The following RBFOX1 variants were observed in gnomAD, a reference collection of about 807,000 sequenced individuals.
RBFOX1 encodes RNA binding fox-1 homolog 1.
A neutral mutation model predicts 57.7 loss-of-function variants in RBFOX1; 8 were observed. That is an observed-to-expected ratio of 0.14 (90% CI 0.08 to 0.25). The LOEUF is 0.25. Ranked by LOEUF, RBFOX1 falls within the 10% of genes least tolerant of loss-of-function variation. The probability of loss-of-function intolerance (pLI) is 1.00; values close to 1 mark genes in which losing one functional copy is unlikely to be tolerated. For synonymous variants in RBFOX1, 326 were observed against 222.4 expected (o/e 1.47, Z -4.15); for missense variants, 611 against 548.5 (o/e 1.11, Z -1.14).
chr16:5,962,401 C>G (rs751470931), intron 4 of RBFOX1, among the ~76,000 whole-genome samples: 10 of 152,206 alleles, frequency 6.6e-5, no homozygotes, highest in Non-Finnish European at 1.3e-4. Context: ...AGGGGACCTT[C>G]TTTATCTCTA....
chr16:5,845,373 T>G (rs1272406809), intron 3 of RBFOX1, among the ~76,000 whole-genome samples: 1 of 152,202 alleles, frequency 6.6e-6, no homozygotes, highest in African/African-American at 2.4e-5. Context: ...GATCTCAGCT[T>G]GCTTCTCCAA....
chr16:6,810,175 G>C (rs909583194), intron 3 of RBFOX1, among the ~76,000 whole-genome samples: 1 of 152,078 alleles, frequency 6.6e-6, no homozygotes, highest in African/African-American at 2.4e-5. Flanking sequence ...CACTCTCATT[G>C]TCTTATGTGT....
intron 5 of RBFOX1, among the ~76,000 whole-genome samples, chr16:7,570,861 A>G (rs11644219): frequency 0.13 from 20,415 of 152,260 alleles, 1,658 homozygotes; most frequent in South Asian, 0.22. Context: ...GATAGATTAA[A>G]GAAAATGTGG....
At chr16:7,696,080 C>G (rs545651447) in intron 14 of RBFOX1, among the ~76,000 whole-genome samples, 5 of 152,172 alleles carry the variant, frequency 3.3e-5, no homozygotes, top group African/African-American at 1.2e-4. Flanking sequence ...GTCGAGAGTG[C>G]CAACACATCT....
chr16:6,696,547 A>T (rs2061078526), intron 3 of RBFOX1, among the ~76,000 whole-genome samples: 2 of 152,212 alleles, frequency 1.3e-5, no homozygotes, highest in Non-Finnish European at 2.9e-5. Context: ...TATTTATTTG[A>T]GGTTTAATTC....
intron 3 of RBFOX1, among the ~76,000 whole-genome samples, chr16:6,972,667 A>T (rs2085849001): frequency 6.6e-6 from 1 of 152,154 alleles, no homozygotes; most frequent in Admixed American, 6.5e-5. Context: ...TTGGGGACAG[A>T]CAACCTGAGT....
chr16:7,654,049 GC>G, intron 12 of RBFOX1, 102 bp downstream of exon 12: 1 of 1,259,806 alleles, frequency 7.9e-7, no homozygotes, highest in Non-Finnish European at 1.1e-6. Context: ...CTCCCCCTCC[GC>G]CACCCCCAGA....
chr16:7,445,339 A>C (rs910598885), intron 4 of RBFOX1, among the ~76,000 whole-genome samples: 5 of 151,862 alleles, frequency 3.3e-5, no homozygotes, highest in Admixed American at 2.6e-4. Flanking sequence ...ACTCCCCGCT[A>C]CTCCTCTCTT....
At chr16:6,324,801 A>G (rs1257910330) in intron 2 of RBFOX1, among the ~76,000 whole-genome samples, 17 of 152,188 alleles carry the variant, frequency 1.1e-4, no homozygotes, top group Admixed American at 1.1e-3. Context: ...TATAGAAACT[A>G]GGCCACAGAA....
chr16:6,287,607 T>C (rs1209194355), intron 1 of RBFOX1, among the ~76,000 whole-genome samples: 1 of 152,154 alleles, frequency 6.6e-6, no homozygotes, highest in African/African-American at 2.4e-5. Flanking sequence ...ATTTGATGAA[T>C]GACTAAATGT....
At chr16:5,288,091 C>T (rs1036262347) in intron 1 of RBFOX1, among the ~76,000 whole-genome samples, 4 of 152,192 alleles carry the variant, frequency 2.6e-5, no homozygotes, top group Admixed American at 1.3e-4. Context: ...CCACATTGGT[C>T]ATGGCTGACT....
intron 1 of RBFOX1, among the ~76,000 whole-genome samples, chr16:6,104,408 T>G (rs1055200886): frequency 1.3e-5 from 2 of 152,210 alleles, no homozygotes; most frequent in Non-Finnish European, 2.9e-5. Context: ...ATATTCAAAG[T>G]AGGTTTTTAA....
chr16:7,218,727 A>G (rs1259926393), intron 4 of RBFOX1, among the ~76,000 whole-genome samples: 1 of 119,832 alleles, frequency 8.3e-6, no homozygotes, highest in Admixed American at 9.1e-5. Flanking sequence ...GTCATCTTAA[A>G]GTGTTTTTTT....
At chr16:5,331,464 G>C (rs1175610536) in intron 1 of RBFOX1, among the ~76,000 whole-genome samples, 1 of 152,222 alleles carries the variant, frequency 6.6e-6, no homozygotes, top group African/African-American at 2.4e-5. Context: ...GGGCTTGGCT[G>C]GGTGGTTTGT....
chr16:6,888,342 G>C (rs1354317276), intron 3 of RBFOX1, among the ~76,000 whole-genome samples: 1 of 152,156 alleles, frequency 6.6e-6, no homozygotes, highest in Non-Finnish European at 1.5e-5. Context: ...ATGAATCACT[G>C]AAGCTGTTTG....
chr16:7,003,467 A>AG (rs1389655750), intron 3 of RBFOX1, among the ~76,000 whole-genome samples: 1 of 151,788 alleles, frequency 6.6e-6, no homozygotes, highest in Non-Finnish European at 1.5e-5. Context: ...TTAAAAAAAA[A>AG]AAAAGAAAAA....
At chr16:6,411,279 G>T (rs1435729629) in intron 2 of RBFOX1, among the ~76,000 whole-genome samples, 1 of 152,164 alleles carries the variant, frequency 6.6e-6, no homozygotes, top group Non-Finnish European at 1.5e-5. Flanking sequence ...ACCACACTTG[G>T]ACCCTTTTTA....
intron 3 of RBFOX1, among the ~76,000 whole-genome samples, chr16:5,723,605 A>C (rs930657796): frequency 6.6e-6 from 1 of 152,022 alleles, no homozygotes; most frequent in Non-Finnish European, 1.5e-5. Flanking sequence ...TGGTTGTCTC[A>C]GGCTTGGGCT....
intron 2 of RBFOX1, among the ~76,000 whole-genome samples, chr16:5,567,982 T>C (rs1453077290): frequency 1.3e-5 from 2 of 152,212 alleles, no homozygotes; most frequent in Non-Finnish European, 2.9e-5. Flanking sequence ...CAGTGTCCTC[T>C]GAATTCCACC....
Sources: allele counts gnomAD v4.1 joint callset (sites outside exome capture counted in the v4.1 genomes callset), GRCh38; gene constraint gnomAD v4.1.1; transcripts MANE v1.5; gene names NCBI Gene and HGNC (gene_info 2026-07-23, HGNC 2026-07-21).